PPM1E: variants seen among roughly 807,000 people sequenced by gnomAD.
The protein encoded by PPM1E is protein phosphatase 1E.
A neutral mutation model predicts 65.9 loss-of-function variants in PPM1E; 20 were observed. That is an observed-to-expected ratio of 0.30 (90% CI 0.21 to 0.44). The LOEUF is 0.44. Ranked by LOEUF, PPM1E falls within the 20% of genes least tolerant of loss-of-function variation. The pLI is 1.00. For synonymous variants in PPM1E, 352 were observed against 374.9 expected (o/e 0.94, Z 0.70); for missense variants, 713 against 953.1 (o/e 0.75, Z 3.32).
In PPM1E at chr17:58,759,942, A is replaced by G. The variant is rs376582740; in HGVS notation, c.464+3481A>G. Among the ~76,000 whole-genome samples the G allele has an allele frequency of 2.0e-4, 31 of 152,354 alleles. No individual in the cohort carries two copies. In the East Asian group the frequency reaches 4.4e-3, roughly 22 times the overall value. Reference sequence around the variant, plus strand: ...TATGGATTCATGTTATATAATACCAATTTTTAAGTTGCACATTTTTTTCTC... The same window carrying G: ...TATGGATTCATGTTATATAATACCAGTTTTTAAGTTGCACATTTTTTTCTC... On this transcript the variant is annotated intron_variant, in intron 1 of 6. Transcript: ENST00000308249.
intron 1 of PPM1E, among the ~76,000 whole-genome samples, chr17:58,903,230 C>T (rs1267873499): frequency 2.0e-5 from 3 of 152,106 alleles, no homozygotes; most frequent in Non-Finnish European, 4.4e-5. Flanking sequence ...TGATTGTGAA[C>T]CCCCAGTAAC....
At position 58,982,871 on chromosome 17, in the gene PPM1E, C is replaced by A; in HGVS notation, c.*1840C>A. The stretch of plus-strand genomic sequence containing the variant: ...CACTCATATCTGTCACCTTCTGAAG[C>A]CTAGATCTTGTTAACCCATCAGGTG... On this transcript the variant is annotated 3_prime_UTR_variant, in exon 7 of 7. Coordinates refer to ENST00000308249, the MANE Select transcript of PPM1E (RefSeq NM_014906.5). 3.2e-6 allele frequency: 5 copies of A among 1,557,584 alleles called. No homozygotes were observed. The highest frequency in any genetic ancestry group is 3.5e-6 in the Non-Finnish European group (4 of 1,146,040).
chr17:58,955,375 A>G (rs1196789526), intron 1 of PPM1E, among the ~76,000 whole-genome samples: 2 of 152,162 alleles, frequency 1.3e-5, no homozygotes, highest in African/African-American at 4.8e-5. Flanking sequence ...AAAAACAAAC[A>G]ACAAACAGAA....
At chr17:58,942,774 T>C (rs2052091511) in intron 1 of PPM1E, among the ~76,000 whole-genome samples, 2 of 152,026 alleles carry the variant, frequency 1.3e-5, no homozygotes, top group African/African-American at 2.4e-5. Context: ...TGTATACATA[T>C]GTAACTAACC....
chr17:58,955,875 G>T (rs957535408), intron 2 of PPM1E, 108 bp downstream of exon 2: 19 of 1,280,176 alleles, frequency 1.5e-5, no homozygotes, highest in Admixed American at 6.1e-5. Flanking sequence ...TTACCTGCTG[G>T]TTGTTTATGT....
intron 1 of PPM1E, among the ~76,000 whole-genome samples, chr17:58,784,059 G>C (rs1762063556): frequency 1.3e-5 from 2 of 151,570 alleles, no homozygotes; most frequent in Non-Finnish European, 2.9e-5. Flanking sequence ...GTCTCACTCT[G>C]TTGCCCAGGC....
At chr17:58,938,225 T>G (rs1426424777) in intron 1 of PPM1E, among the ~76,000 whole-genome samples, 2 of 152,180 alleles carry the variant, frequency 1.3e-5, no homozygotes, top group Non-Finnish European at 2.9e-5. Context: ...GAATTGACTT[T>G]AGAGTTATTT....
chr17:58,811,672 T>G (rs992156576), intron 1 of PPM1E, among the ~76,000 whole-genome samples: 1 of 152,144 alleles, frequency 6.6e-6, no homozygotes, highest in Non-Finnish European at 1.5e-5. Context: ...TAATTTGTGC[T>G]GTTTTTCTTT....
intron 1 of PPM1E, chr17:58,785,458 T>TTATATATATATATATATATATATATA (rs71367630): frequency 4.8e-4 from 43 of 88,928 alleles, no homozygotes; most frequent in South Asian, 1.3e-3. Context: ...CCTGGCTAAT[T>TTATATATATATATATATATATATATA]TATATATATA....
chr17:58,835,244 G>A (rs1470218217), intron 1 of PPM1E, among the ~76,000 whole-genome samples: 3 of 152,108 alleles, frequency 2.0e-5, no homozygotes, highest in East Asian at 1.9e-4. Flanking sequence ...GGGAGGCTAA[G>A]GCGAGGTGAT....
intron 1 of PPM1E, among the ~76,000 whole-genome samples, chr17:58,914,484 C>T: frequency 6.6e-6 from 1 of 152,084 alleles, no homozygotes; most frequent in East Asian, 1.9e-4. Context: ...TCAATTTGGG[C>T]TTATCTCATA....
At chr17:58,927,189 C>G (rs761498287) in intron 1 of PPM1E, among the ~76,000 whole-genome samples, 39 of 143,992 alleles carry the variant, frequency 2.7e-4, no homozygotes, top group Non-Finnish European at 5.4e-4. Flanking sequence ...TGCAGTGGCT[C>G]GGTCTCGGCT....
intron 2 of PPM1E, among the ~76,000 whole-genome samples, chr17:58,958,296 T>C (rs1364653090): frequency 2.0e-5 from 3 of 151,910 alleles, no homozygotes; most frequent in Non-Finnish European, 2.9e-5. Flanking sequence ...CTGAAGCCTC[T>C]ACCTCCTAGG....
chr17:58,803,711 C>A (rs921743091), intron 1 of PPM1E, among the ~76,000 whole-genome samples: 1 of 152,154 alleles, frequency 6.6e-6, no homozygotes, highest in Non-Finnish European at 1.5e-5. Flanking sequence ...CACTGTTTAG[C>A]AGTAACCTGT....
intron 1 of PPM1E, among the ~76,000 whole-genome samples, chr17:58,763,121 G>A (rs1253191170): frequency 6.6e-6 from 1 of 151,938 alleles, no homozygotes; most frequent in Non-Finnish European, 1.5e-5. Context: ...TGCTCTAATG[G>A]ATACATCCCC....
At chr17:58,812,303 CAAAAAAAAAAAAAA>C (rs35132799) in intron 1 of PPM1E, among the ~76,000 whole-genome samples, 1,195 of 49,846 alleles carry the variant, frequency 0.024, 46 homozygotes, top group African/African-American at 0.084. Flanking sequence ...GACTCTGTTT[CAAAAAAAAAAAAAA>C]AAAAAAAAAA....
intron 1 of PPM1E, among the ~76,000 whole-genome samples, chr17:58,763,902 T>C (rs1373251537): frequency 1.3e-5 from 2 of 152,100 alleles, no homozygotes; most frequent in African/African-American, 4.8e-5. Context: ...AAAGAAACAT[T>C]ACCATTGTTG....
chr17:58,839,097 G>A (rs2050691681), intron 1 of PPM1E, among the ~76,000 whole-genome samples: 1 of 152,066 alleles, frequency 6.6e-6, no homozygotes, highest in South Asian at 2.1e-4. Context: ...GTAATGGTGG[G>A]TACATGACAT....
chr17:58,820,729 T>G (rs1310676955), intron 1 of PPM1E, among the ~76,000 whole-genome samples: 3 of 152,218 alleles, frequency 2.0e-5, no homozygotes, highest in Non-Finnish European at 4.4e-5. Context: ...AACAAAATTA[T>G]TGTCCATGTG....
Sources: allele counts gnomAD v4.1 joint callset (sites outside exome capture counted in the v4.1 genomes callset), GRCh38; gene constraint gnomAD v4.1.1; transcripts MANE v1.5; gene names NCBI Gene and HGNC (gene_info 2026-07-23, HGNC 2026-07-21).